The following RFX2 variants were observed in gnomAD, a reference collection of about 807,000 sequenced individuals.
The protein encoded by RFX2 is DNA-binding protein RFX2.
In RFX2, 20 loss-of-function variants were observed where a neutral mutation model predicts 87.8. The observed-to-expected ratio is 0.23, with a 90% CI of 0.16 to 0.33. The LOEUF (loss-of-function observed/expected upper bound fraction) is 0.33. Among genes scored for constraint, RFX2 ranks in the 10% least tolerant of loss-of-function variants. The probability of loss-of-function intolerance (pLI) is 1.00; values close to 1 mark genes in which losing one functional copy is unlikely to be tolerated. For synonymous variants in RFX2, 397 were observed against 431.3 expected, an observed-to-expected ratio of 0.92 and a Z score of 0.98; for missense variants, 767 against 1,012.3, an observed-to-expected ratio of 0.76 and a Z score of 3.29.
At chr19:6,084,639 C>CTTTTT (rs1189568545) in intron 1 of RFX2, among the ~76,000 whole-genome samples, 1 of 122,956 alleles carries the variant, frequency 8.1e-6, no homozygotes, top group African/African-American at 4.7e-5. Flanking sequence ...TTCTTTCTTT[C>CTTTTT]TTTCTTTTTT....
intron 1 of RFX2, among the ~76,000 whole-genome samples, chr19:6,052,810 C>T (rs2087283759): frequency 6.6e-6 from 1 of 151,436 alleles, no homozygotes; most frequent in Non-Finnish European, 1.5e-5. Flanking sequence ...AATAATAAAC[C>T]CCAAAGAAAA....
At chr19:6,108,266 T>C (rs1396930410) in intron 1 of RFX2, among the ~76,000 whole-genome samples, 1 of 152,168 alleles carries the variant, frequency 6.6e-6, no homozygotes, top group Non-Finnish European at 1.5e-5. Flanking sequence ...AACTCTTACT[T>C]CTCTGGTCAG....
chr19:6,098,822 G>A (rs2088067063), intron 1 of RFX2, among the ~76,000 whole-genome samples: 1 of 152,122 alleles, frequency 6.6e-6, no homozygotes, highest in Admixed American at 6.5e-5. Context: ...AGAAATATTT[G>A]CCTACAAAGT....
In RFX2 at chr19:6,011,622, GAAC is replaced by G. The variant is rs960035835; in HGVS notation, c.899+1361_899+1363del. Among the ~76,000 whole-genome samples, 1 of 152,184 alleles carries G rather than the reference GAAC, an allele frequency of 6.6e-6. No individual in the cohort carries two copies. The highest frequency in any genetic ancestry group is 2.4e-5 in the African/African-American group (1 of 41,436). The stretch of plus-strand genomic sequence containing the variant: ...CAGCTGTCTGCCAGGGGCCCAAATT[GAAC>G]AACAGCAGTGAGCTCCAGAGTCCAT... On this transcript the variant is annotated intron_variant, in intron 8 of 17. Transcript: ENST00000303657. The surrounding 1 kb of genome is among the most constrained non-coding windows in gnomAD (Gnocchi z 4.8).
Position 6,021,556 on chromosome 19 carries a change from A to G in RFX2, c.597+4607T>C, listed in dbSNP as rs1410273182. ...GGGCTCACTGAGAAAGTGCCCACTG[A>G]GTGAAGACTCAGAGGAGGTGAGGGG... On this transcript the variant is annotated intron_variant, in intron 6 of 17. Coordinates refer to ENST00000303657, the MANE Select transcript of RFX2 (RefSeq NM_000635.4). This position sits in a 1 kb window ranked among gnomAD's most constrained non-coding sequence, Gnocchi z 5.7. 6.6e-6 allele frequency among the ~76,000 whole-genome samples: 1 copy of G among 152,038 alleles called. No individual in the cohort carries two copies. Among genetic ancestry groups the G allele is most frequent in the Non-Finnish European group, 1.5e-5 (1 of 68,000 alleles).
rs150187811 is a variant in RFX2 at position 6,007,249 on chromosome 19, T to C, written c.1248-83A>G. ...CACGGGAGCGAGCAGAGAGCCGGGC[T>C]GCGGGACTTTTGCCCAACAGTGGGG... is the stretch of plus-strand genomic sequence containing the variant. On this transcript the variant is annotated intron_variant, in intron 11 of 17. Coordinates refer to ENST00000303657, the MANE Select transcript of RFX2 (RefSeq NM_000635.4). The surrounding 1 kb of genome is among the most constrained non-coding windows in gnomAD (Gnocchi z 8.2). 1.1e-4 allele frequency: 158 copies of C among 1,451,046 alleles called. No homozygotes were observed. The East Asian group carries it at 1.5e-3, about 13-fold the overall frequency. The allele number at this position is 1,451,046 out of a possible 1,614,324, so 89.9% of individuals were successfully genotyped here.
intron 1 of RFX2, among the ~76,000 whole-genome samples, chr19:6,099,515 ATTT>A: frequency 6.8e-6 from 1 of 146,476 alleles, no homozygotes; most frequent in South Asian, 2.2e-4. Flanking sequence ...GGGCTGCGTG[ATTT>A]TTTTTTTTTT....
chr19:6,066,674 A>G (rs1007769900), intron 1 of RFX2, among the ~76,000 whole-genome samples: 9 of 152,230 alleles, frequency 5.9e-5, no homozygotes, highest in African/African-American at 2.2e-4. Flanking sequence ...GAGTGGATCC[A>G]TGTCTGCCTG....
At chr19:6,043,773 C>T (rs1056705840) in intron 3 of RFX2, among the ~76,000 whole-genome samples, 2 of 152,262 alleles carry the variant, frequency 1.3e-5, no homozygotes, top group Non-Finnish European at 2.9e-5. Flanking sequence ...GTCAGCCGTG[C>T]TTTCAAACTT....
chr19:6,096,591 C>T lies in RFX2; in HGVS notation c.-9+13802G>A, dbSNP rs543054718. Among the ~76,000 whole-genome samples, 9 of 152,164 alleles carry T rather than the reference C, an allele frequency of 5.9e-5. No individual in the cohort carries two copies. The East Asian group carries it at 9.7e-4, about 16-fold the overall frequency. The stretch of plus-strand genomic sequence containing the variant: ...CCTCCCGAGTAGCTGGGACTACAGG[C>T]GCCCACCACCATGCCCGACTAATTT... On this transcript the variant is annotated intron_variant, in intron 1 of 17. Transcript: ENST00000303657.
chr19:6,018,147 T>A (rs1400150714), intron 6 of RFX2, among the ~76,000 whole-genome samples: 2 of 152,070 alleles, frequency 1.3e-5, no homozygotes, highest in Admixed American at 1.3e-4. Context: ...GGCTTATGTT[T>A]TTTGTATTTT....
Position 6,083,206 on chromosome 19 carries a change from C to T in RFX2, c.-9+27187G>A, listed in dbSNP as rs1415581068. On this transcript the variant is annotated intron_variant, in intron 1 of 17. Transcript: ENST00000303657. The surrounding 1 kb of genome is among the most constrained non-coding windows in gnomAD (Gnocchi z 4.6). Reference sequence around the variant, plus strand: ...ACAGGCATGAGCCACTGTGCCCGGCCTTCATCATGAAATTTTTTGGCATTT... The same window carrying T: ...ACAGGCATGAGCCACTGTGCCCGGCTTTCATCATGAAATTTTTTGGCATTT... Among the ~76,000 whole-genome samples, 2 of 152,140 alleles carry T rather than the reference C, an allele frequency of 1.3e-5. No homozygotes were observed. The highest frequency in any genetic ancestry group is 2.9e-5 in the Non-Finnish European group (2 of 68,032).
rs1309344480 is a variant in RFX2 at position 6,008,109 on chromosome 19, G to A, written c.1131C>T (p.Cys377=). ...KALQLVYRRH[C]EATVDVVMNL... is the part of the protein sequence containing the mutation. ...CTGCCTGGGCTGGGGCGGTCACCTC[G>A]CAGTGCCGTCTGTACACCAGCTGCA... Residue 377 remains cysteine (C), a synonymous_variant, in exon 10 of 18, where the codon TGC becomes TGT. Coordinates refer to ENST00000303657, the MANE Select transcript of RFX2 (RefSeq NM_000635.4). 4 of 1,549,588 alleles carry A rather than the reference G, an allele frequency of 2.6e-6. No homozygotes were observed. The highest frequency in any genetic ancestry group is 4.9e-5 in the East Asian group (2 of 40,970).
intron 1 of RFX2, among the ~76,000 whole-genome samples, chr19:6,100,401 C>G (rs2088100634): frequency 6.6e-6 from 1 of 152,126 alleles, no homozygotes; most frequent in African/African-American, 2.4e-5. Flanking sequence ...AGGAAGAGAT[C>G]AGTAAGAATC....
intron 1 of RFX2, among the ~76,000 whole-genome samples, chr19:6,060,593 C>A (rs1568529314): frequency 6.6e-6 from 1 of 152,234 alleles, no homozygotes; most frequent in East Asian, 1.9e-4. Context: ...CAGGAGGGAG[C>A]CTCTGTCGTC....
At chr19:6,042,583 G>C (rs922925255) in intron 3 of RFX2, among the ~76,000 whole-genome samples, 1 of 152,214 alleles carries the variant, frequency 6.6e-6, no homozygotes, top group African/African-American at 2.4e-5. Context: ...AGTGCACAGG[G>C]GGCTGAGCAG....
chr19:6,108,063 C>T (rs950944381), intron 1 of RFX2, among the ~76,000 whole-genome samples: 1 of 152,186 alleles, frequency 6.6e-6, no homozygotes, highest in Non-Finnish European at 1.5e-5. Flanking sequence ...TAAAATATTT[C>T]AGTATTGCTT....
Position 6,007,884 on chromosome 19 carries a change from A to C in RFX2, c.1135-82T>G, listed in dbSNP as rs2086605030. On this transcript the variant is annotated intron_variant, in intron 10 of 17. Coordinates refer to ENST00000303657, the MANE Select transcript of RFX2 (RefSeq NM_000635.4). This position sits in a 1 kb window ranked among gnomAD's most constrained non-coding sequence, Gnocchi z 8.2. ...AGCACACGTCAAGTGAGCAGCCGTGATCCGGGCTACAGCGGGGTGCCCTGG... is the reference window on the plus strand; with the variant it reads ...AGCACACGTCAAGTGAGCAGCCGTGCTCCGGGCTACAGCGGGGTGCCCTGG... The C allele has an allele frequency of 1.9e-6, 2 of 1,052,616 alleles. No homozygotes were observed. Among genetic ancestry groups the C allele is most frequent in the Non-Finnish European group, 2.9e-6 (2 of 695,410 alleles). The allele number at this position is 1,052,616 out of a possible 1,614,324, so 65.2% of individuals were successfully genotyped here.
At chr19:6,034,608 C>T (rs993132075) in intron 5 of RFX2, among the ~76,000 whole-genome samples, 4 of 152,166 alleles carry the variant, frequency 2.6e-5, no homozygotes, top group African/African-American at 4.8e-5. Context: ...GTGATCCTCC[C>T]ACCTTAGCTT....
Sources: gnomAD v4.1 joint callset for allele counts (sites outside exome capture counted in the v4.1 genomes callset) on GRCh38, gnomAD v4.1.1 for gene constraint, Gnocchi (gnomAD v3.1) non-coding constraint, MANE v1.5 for transcripts, NCBI Gene and HGNC (gene_info 2026-07-23, HGNC 2026-07-21) for gene names.